RHCE: variants seen among roughly 807,000 people sequenced by gnomAD.
RHCE encodes the protein Rh blood group CcEe antigens, also known as blood group Rh(CE) polypeptide.
In RHCE, 22 loss-of-function variants were observed where a neutral mutation model predicts 43.8. The observed-to-expected ratio is 0.50, with a 90% CI of 0.36 to 0.72. The LOEUF (loss-of-function observed/expected upper bound fraction) is 0.72. Among genes scored for constraint, RHCE ranks in the 30% least tolerant of loss-of-function variants. RHCE has a pLI of 0.00. For missense variants in RHCE, 385 were observed against 525.4 expected, an observed-to-expected ratio of 0.73 and a Z score of 2.61; for synonymous variants, 156 against 210.7, an observed-to-expected ratio of 0.74 and a Z score of 2.25.
intron 2 of RHCE, among the ~76,000 whole-genome samples, chr1:25,428,176 T>C (rs967941091): frequency 1.3e-5 from 2 of 152,160 alleles, no homozygotes; most frequent in African/African-American, 4.8e-5. Context: ...CCCCAGTGCC[T>C]CTCATCTTTT....
At chr1:25,404,792 G>A (rs765816621) in intron 2 of RHCE, among the ~76,000 whole-genome samples, 1,231 of 150,140 alleles carry the variant, frequency 8.2e-3, no homozygotes, top group African/African-American at 0.029. Context: ...CTGGAGCCAC[G>A]GTAAGGGCAA....
At chr1:25,424,871 C>T (rs2042793560), upstream of RHCE, among the ~76,000 whole-genome samples, 1 of 151,878 alleles carries the variant, frequency 6.6e-6, no homozygotes, top group Admixed American at 6.6e-5. Context: ...GGCTGGAATG[C>T]AGTGGCACGA....
intron 7 of RHCE, among the ~76,000 whole-genome samples, chr1:25,385,126 C>T (rs1571858279): frequency 6.6e-6 from 1 of 152,312 alleles, no homozygotes; most frequent in Admixed American, 6.5e-5. Context: ...TGTCTAGGGG[C>T]CACAGGACCT....
intron 7 of RHCE, among the ~76,000 whole-genome samples, chr1:25,384,652 G>A (rs998512724): frequency 1.1e-4 from 17 of 152,070 alleles, no homozygotes; most frequent in Non-Finnish European, 2.4e-4. Flanking sequence ...TATAATTTGG[G>A]GCTATGGTTG....
chr1:25,392,245 A>C (rs995964207), intron 3 of RHCE, 104 bp from the exon 4 acceptor site: 2 of 1,586,566 alleles, frequency 1.3e-6, no homozygotes, highest in African/African-American at 2.7e-5. Context: ...AGGAGGTGTG[A>C]CTTGAAGCCA....
At chr1:25,416,628 T>C (rs980376304) in intron 1 of RHCE, among the ~76,000 whole-genome samples, 2 of 152,074 alleles carry the variant, frequency 1.3e-5, no homozygotes, top group Non-Finnish European at 2.9e-5. Context: ...TATTTTCATT[T>C]TTTTTTGAGA....
intron 9 of RHCE, among the ~76,000 whole-genome samples, chr1:25,369,911 G>A (rs1040989008): frequency 6.6e-6 from 1 of 150,998 alleles, no homozygotes; most frequent in Non-Finnish European, 1.5e-5. Flanking sequence ...GCTAACTTTT[G>A]TATTTTTAGT....
At chr1:25,416,914 GT>G (rs200256174) in intron 1 of RHCE, among the ~76,000 whole-genome samples, 14,211 of 135,368 alleles carry the variant, frequency 0.1, 2,234 homozygotes, top group African/African-American at 0.35. Flanking sequence ...CAGCCAGGGT[GT>G]TTTTTTTTTT....
intron 3 of RHCE, among the ~76,000 whole-genome samples, chr1:25,394,931 C>T (rs1248152314): frequency 6.6e-6 from 1 of 151,110 alleles, no homozygotes; most frequent in African/African-American, 2.5e-5. Context: ...TGAAGAAACC[C>T]AGGCTGAATT....
chr1:25,399,364 G>C (rs953087891), intron 3 of RHCE, among the ~76,000 whole-genome samples: 1 of 152,094 alleles, frequency 6.6e-6, no homozygotes, highest in Non-Finnish European at 1.5e-5. Flanking sequence ...TTGAGGAAAA[G>C]GTTTGAGAGG....
At chr1:25,419,163 T>C (rs2042691449) in intron 1 of RHCE, among the ~76,000 whole-genome samples, 1 of 152,170 alleles carries the variant, frequency 6.6e-6, no homozygotes, top group Admixed American at 6.5e-5. Flanking sequence ...CCTCATTGGG[T>C]TATTGTGAGG....
intron 2 of RHCE, among the ~76,000 whole-genome samples, chr1:25,403,552 AT>A (rs1264471014): frequency 2.0e-5 from 3 of 152,098 alleles, no homozygotes; most frequent in Admixed American, 2.0e-4. Context: ...AAAAAAAAAA[AT>A]GTACTTATGA....
chr1:25,393,917 G>C (rs1282408772), intron 3 of RHCE, among the ~76,000 whole-genome samples: 2 of 152,132 alleles, frequency 1.3e-5, no homozygotes, highest in Non-Finnish European at 2.9e-5. Flanking sequence ...AGCAATCGGG[G>C]TGCCTTGTCT....
chr1:25,371,159 G>A (rs1352190188), intron 8 of RHCE, among the ~76,000 whole-genome samples: 1 of 150,820 alleles, frequency 6.6e-6, no homozygotes, highest in Non-Finnish European at 1.5e-5. Context: ...CCCAGACGGA[G>A]TAGAAGGGCC....
chr1:25,383,666 A>G (rs1237334725), intron 7 of RHCE, among the ~76,000 whole-genome samples: 3 of 152,040 alleles, frequency 2.0e-5, no homozygotes, highest in Non-Finnish European at 4.4e-5. Context: ...CACTGTCACT[A>G]TGCCCTTCCC....
upstream of RHCE, among the ~76,000 whole-genome samples, chr1:25,425,542 C>G (rs560891913): frequency 2.8e-4 from 42 of 152,322 alleles, no homozygotes; most frequent in South Asian, 1.0e-3. Context: ...CCTTATGAGT[C>G]AAGTAAGATG....
At chr1:25,418,605 T>C (rs2042667221) in intron 1 of RHCE, among the ~76,000 whole-genome samples, 1 of 152,246 alleles carries the variant, frequency 6.6e-6, no homozygotes, top group East Asian at 1.9e-4. Context: ...GCCCAGCCCC[T>C]TGCTTCTCTT....
rs556140666 is a variant in RHCE, at chr1:25,403,423, C to T, written c.336-677G>A. Among the ~76,000 whole-genome samples the T allele has an allele frequency of 6.6e-5, 10 of 152,256 alleles. No homozygotes were observed. The East Asian group carries it at 1.9e-3, about 29-fold the overall frequency. On this transcript the variant is annotated intron_variant, in intron 2 of 9. Transcript: ENST00000294413. Reference sequence around the variant, plus strand: ...CTAGCACCAAGACTGGCACAAAGAACCAACTCCTGAAAAGACACTAGCCTT... The same window carrying T: ...CTAGCACCAAGACTGGCACAAAGAATCAACTCCTGAAAAGACACTAGCCTT...
intron 7 of RHCE, among the ~76,000 whole-genome samples, chr1:25,378,964 A>G (rs1221504569): frequency 6.6e-6 from 1 of 152,184 alleles, no homozygotes; most frequent in Non-Finnish European, 1.5e-5. Context: ...CACAACTACA[A>G]TGTTGAGTAA....
Sources: gnomAD v4.1 joint callset for allele counts (sites outside exome capture counted in the v4.1 genomes callset) on GRCh38, gnomAD v4.1.1 for gene constraint, MANE v1.5 for transcripts, NCBI Gene and HGNC (gene_info 2026-07-23, HGNC 2026-07-21) for gene names.